Variants in CAGE1 observed in about 807,000 individuals in gnomAD.
The protein encoded by CAGE1 is cancer antigen 1, also known as cancer-associated gene 1 protein.
Under a neutral mutation model 94.9 loss-of-function variants are expected in CAGE1, and 66 were observed. The observed-to-expected ratio is 0.70, with a 90% confidence interval of 0.57 to 0.85. The LOEUF is 0.85. CAGE1 is among the 40% of genes least tolerant of loss of function. The pLI, the probability that CAGE1 is intolerant of heterozygous loss-of-function variation, is 0.00. For synonymous variants in CAGE1, 319 were observed against 321.0 expected (o/e 0.99, Z 0.07); for missense variants, 865 against 950.4 (o/e 0.91, Z 1.18).
intron 11 of CAGE1, 76 bp from the exon 12 acceptor site, chr6:7,334,166 G>T: frequency 1.2e-6 from 1 of 820,782 alleles, no homozygotes; most frequent in South Asian, 1.6e-5. Flanking sequence ...TTCACTGGAG[G>T]ATTTTAGTAG....
Position 7,334,725 on chromosome 6 carries a change from C to CAAAAAAA in CAGE1, c.2370-642_2370-636dup, listed in dbSNP as rs58790989. Among the ~76,000 whole-genome samples the CAAAAAAA allele has an allele frequency of 9.9e-4, 67 of 67,888 alleles. 1 individual carries two copies. The highest frequency in any genetic ancestry group is 3.5e-3 in the East Asian group (10 of 2,878). The allele number at this position is 67,888 out of a possible 152,430, so 44.5% of individuals were successfully genotyped here. ...CCTGGGACAGAGCTAGACTCTCTCT[C>CAAAAAAA]AAAAAAAAAAAAAAAAAGGAAAGAA... On this transcript the variant is annotated intron_variant, in intron 11 of 13. Transcript: ENST00000502583.
At chr6:7,382,161 C>T (rs1319652176) in intron 3 of CAGE1, among the ~76,000 whole-genome samples, 1 of 151,734 alleles carries the variant, frequency 6.6e-6, no homozygotes, top group African/African-American at 2.4e-5. Context: ...TTCTAAGTGA[C>T]TTGTAGTTCT....
At chr6:7,343,016 G>C (rs1157646952) in intron 11 of CAGE1, among the ~76,000 whole-genome samples, 2 of 151,888 alleles carry the variant, frequency 1.3e-5, no homozygotes, top group African/African-American at 2.4e-5. Flanking sequence ...GTGAAACCCT[G>C]TCTCTACTAA....
chr6:7,383,874 G>C (rs1014469080), intron 3 of CAGE1, among the ~76,000 whole-genome samples: 19 of 152,026 alleles, frequency 1.2e-4, no homozygotes, highest in Admixed American at 1.2e-3. Flanking sequence ...AGGTACCTTA[G>C]TTTGTGCTGT....
chr6:7,371,808 A>G (rs114416780), intron 5 of CAGE1, among the ~76,000 whole-genome samples: 3,310 of 152,182 alleles, frequency 0.022, 42 homozygotes, highest in Non-Finnish European at 0.029. Context: ...AAATAAAACA[A>G]ATACAAAAAA....
At chr6:7,360,692 C>A (rs1035326053) in intron 9 of CAGE1, among the ~76,000 whole-genome samples, 1 of 152,116 alleles carries the variant, frequency 6.6e-6, no homozygotes, top group Admixed American at 6.5e-5. Flanking sequence ...AGCTGTAATC[C>A]CAACACTTTG....
At chr6:7,341,293 T>C (rs1759164947) in intron 11 of CAGE1, 17 of 666,792 alleles carry the variant, frequency 2.5e-5, no homozygotes, top group South Asian at 2.5e-4. Context: ...GTAAACAGAG[T>C]ACCAAAGAGG....
chr6:7,344,070 C>G (rs1054571863), intron 11 of CAGE1, among the ~76,000 whole-genome samples: 8 of 152,324 alleles, frequency 5.3e-5, no homozygotes, highest in African/African-American at 1.4e-4. Flanking sequence ...TCCTCACAGC[C>G]CTCGCTCGCT....
rs1236014482 is a variant in CAGE1, at chr6:7,339,577, C to T, written c.2370-5487G>A. The T allele has an allele frequency of 1.3e-6, 1 of 753,632 alleles. No individual in the cohort carries two copies. Among genetic ancestry groups the T allele is most frequent in the East Asian group, 2.5e-5 (1 of 40,576 alleles). 46.7% of individuals were successfully genotyped at this position (753,632 alleles called of 1,614,324 possible). A position where few individuals can be genotyped will look rare whatever the true frequency, so the allele number is the denominator to read the frequency against. ...GAAATTTGTAAGGCGATCTTGCCGC[C>T]ATGCTCCGCTGAAAGGAAAGGCACT... is the stretch of plus-strand genomic sequence containing the variant. On this transcript the variant is annotated intron_variant, in intron 11 of 13. Transcript: ENST00000502583. The surrounding 1 kb of genome is among the most constrained non-coding windows in gnomAD (Gnocchi z 4.7).
chr6:7,346,388 C>G (rs1759537619), intron 11 of CAGE1, among the ~76,000 whole-genome samples: 1 of 151,866 alleles, frequency 6.6e-6, no homozygotes, highest in African/African-American at 2.4e-5. Context: ...GACCCTGTTT[C>G]TAAAATAAAT....
intron 13 of CAGE1, chr6:7,329,216 A>T: frequency 2.5e-6 from 1 of 404,798 alleles, no homozygotes; most frequent in Middle Eastern, 3.1e-4. Context: ...TACAGGCGTC[A>T]GCCACCGCGC....
rs1292143232 is a variant in CAGE1 at position 7,389,692 on chromosome 6, G to C, written c.-514C>G. 1.1e-5 allele frequency: 5 copies of C among 472,506 alleles called. No individual in the cohort carries two copies. The highest frequency in any genetic ancestry group is 1.9e-5 in the Non-Finnish European group (5 of 258,488). The allele number at this position is 472,506 out of a possible 1,614,324, so 29.3% of individuals were successfully genotyped here. On this transcript the variant is annotated 5_prime_UTR_variant, in exon 1 of 14. Coordinates refer to ENST00000502583, the MANE Select transcript of CAGE1 (RefSeq NM_001170692.2). ...TGCCGGCTACTCAACACGCCTTCCT[G>C]AGAGCACAGAACATCCACAGCCCTA...
At chr6:7,385,895 A>C in intron 2 of CAGE1, 23 bp from the exon 3 acceptor site, 1 of 1,286,248 alleles carries the variant, frequency 7.8e-7, no homozygotes, top group Non-Finnish European at 1.1e-6. Context: ...AAAAGGCATC[A>C]ATACTTCAAG....
intron 9 of CAGE1, among the ~76,000 whole-genome samples, chr6:7,361,255 C>G (rs1760156210): frequency 6.6e-6 from 1 of 152,160 alleles, no homozygotes; most frequent in Admixed American, 6.5e-5. Flanking sequence ...GTCTCTGTAG[C>G]AAATTAGAAG....
Position 7,359,601 on chromosome 6 carries a change from C to G in CAGE1, c.2194-3472G>C, listed in dbSNP as rs374438775. ...CAGAGGAGGAAGTCCTTTTGGAGAGCTGCTCCCCGGGCAGTGTGGACTACA... is the reference window on the plus strand; with the variant it reads ...CAGAGGAGGAAGTCCTTTTGGAGAGGTGCTCCCCGGGCAGTGTGGACTACA... On this transcript the variant is annotated intron_variant, in intron 9 of 13. Transcript: ENST00000502583. Among the ~76,000 whole-genome samples, 24 of 152,318 alleles carry G rather than the reference C, an allele frequency of 1.6e-4. No homozygotes were observed. In the East Asian group the frequency reaches 2.1e-3, roughly 13 times the overall value.
chr6:7,339,603 G>A lies in CAGE1; in HGVS notation c.2370-5513C>T, dbSNP rs1759094693. The A allele has an allele frequency of 1.4e-6, 1 of 705,690 alleles. No homozygotes were observed. Among genetic ancestry groups the A allele is most frequent in the Non-Finnish European group, 2.6e-6 (1 of 385,466 alleles). The allele number at this position is 705,690 out of a possible 1,614,324, so 43.7% of individuals were successfully genotyped here. On this transcript the variant is annotated intron_variant, in intron 11 of 13. Transcript: ENST00000502583. This position sits in a 1 kb window ranked among gnomAD's most constrained non-coding sequence, Gnocchi z 4.7. ...ATGCTCCGCTGAAAGGAAAGGCACT[G>A]TATCATTCTTATGCCTTTGTGTCCT...
chr6:7,358,339 T>G (rs957438462), intron 9 of CAGE1, among the ~76,000 whole-genome samples: 2 of 152,106 alleles, frequency 1.3e-5, no homozygotes, highest in African/African-American at 4.8e-5. Flanking sequence ...ATTTTGAGGT[T>G]CTTCTATGTT....
chr6:7,365,927 A>C (rs576643933), intron 7 of CAGE1, 43 bp from the exon 8 acceptor site: 1 of 1,097,638 alleles, frequency 9.1e-7, no homozygotes, highest in South Asian at 1.5e-5. Flanking sequence ...AGAAAATACA[A>C]CTACGCTCTA....
chr6:7,328,951 A>ATTTT (rs1758641579), intron 13 of CAGE1: 1 of 69,772 alleles, frequency 1.4e-5, no homozygotes, highest in Non-Finnish European at 2.7e-5. Context: ...TTTTTTTTTG[A>ATTTT]GATAGAGTCT....
Sources: allele counts gnomAD v4.1 joint callset (sites outside exome capture counted in the v4.1 genomes callset), GRCh38; gene constraint gnomAD v4.1.1; non-coding constraint Gnocchi (gnomAD v3.1); transcripts MANE v1.5; gene names NCBI Gene and HGNC (gene_info 2026-07-23, HGNC 2026-07-21).